The following IL1RAPL2 variants were observed in gnomAD, a reference collection of about 807,000 sequenced individuals.
IL1RAPL2 encodes the protein X-linked interleukin-1 receptor accessory protein-like 2.
In IL1RAPL2, 3 loss-of-function variants were observed where a neutral mutation model predicts 44.1. The observed-to-expected ratio is 0.07, with a 90% CI of 0.03 to 0.18. IL1RAPL2 has a LOEUF of 0.18. Among genes scored for constraint, IL1RAPL2 ranks in the 10% least tolerant of loss-of-function variants. The pLI, the probability that IL1RAPL2 is intolerant of heterozygous loss-of-function variation, is 1.00. For synonymous variants in IL1RAPL2, 181 were observed against 178.8 expected (o/e 1.01, Z -0.10); for missense variants, 391 against 496.4 (o/e 0.79, Z 2.02).
At chrX:104,802,615 A>G (rs1033994675) in intron 2 of IL1RAPL2, among the ~76,000 whole-genome samples, 5 of 111,610 alleles carry the variant, frequency 4.5e-5, no homozygotes, top group African/African-American at 1.6e-4. Flanking sequence ...TTTTCAACTA[A>G]CACAGCAGTA....
At chrX:105,689,216 A>G (rs754311684) in intron 6 of IL1RAPL2, among the ~76,000 whole-genome samples, 2 of 112,165 alleles carry the variant, frequency 1.8e-5, no homozygotes, top group African/African-American at 6.5e-5. Flanking sequence ...GGCAAAATTG[A>G]CAAATGGGAT....
rs1569452101 is a variant in IL1RAPL2, at chrX:105,540,844, CATACATATATTATATATG to C, written c.772+56461_772+56478del. Among the ~76,000 whole-genome samples the C allele has an allele frequency of 1.6e-3, 46 of 29,358 alleles. 5 individuals carry two copies. The highest frequency in any genetic ancestry group is 7.0e-3 in the African/African-American group (46 of 6,602). The allele number at this position is 29,358 out of a possible 115,157, so 25.5% of individuals were successfully genotyped here. ...CATATATTATATATGATATATAATA[CATACATATATTATATATG>C]ATATATAATACATACATATATTATA... On this transcript the variant is annotated intron_variant, in intron 6 of 10. Coordinates refer to ENST00000372582, the MANE Select transcript of IL1RAPL2 (RefSeq NM_017416.2).
intron 2 of IL1RAPL2, among the ~76,000 whole-genome samples, chrX:105,169,691 G>A (rs1412136002): frequency 9.4e-6 from 1 of 106,162 alleles, no homozygotes; most frequent in Non-Finnish European, 1.9e-5. Flanking sequence ...ACCACACCTG[G>A]CTAATTTTTT....
intron 5 of IL1RAPL2, among the ~76,000 whole-genome samples, chrX:105,480,552 CA>C (rs1473070908): frequency 8.9e-6 from 1 of 111,998 alleles, no homozygotes; most frequent in Non-Finnish European, 1.9e-5. Context: ...CCCATTCTTT[CA>C]ATCAAAGCAT....
chrX:104,727,037 GC>G (rs1181479236), intron 2 of IL1RAPL2, among the ~76,000 whole-genome samples: 2 of 109,939 alleles, frequency 1.8e-5, no homozygotes, highest in Non-Finnish European at 3.8e-5. Context: ...CTGGACATTG[GC>G]TTTGGCAAAA....
intron 2 of IL1RAPL2, among the ~76,000 whole-genome samples, chrX:104,895,090 G>A (rs1242593169): frequency 3.6e-5 from 4 of 112,381 alleles, no homozygotes; most frequent in South Asian, 7.3e-4. Flanking sequence ...AGCGGAGGCT[G>A]CAGAACAGCG....
chrX:104,727,859 G>C (rs1372268017), intron 2 of IL1RAPL2, among the ~76,000 whole-genome samples: 1 of 109,705 alleles, frequency 9.1e-6, no homozygotes, highest in Non-Finnish European at 1.9e-5. Flanking sequence ...AAATAACTCA[G>C]AAAGTAAAAT....
chrX:105,738,527 C>T (rs138911710), intron 7 of IL1RAPL2, among the ~76,000 whole-genome samples: 69 of 111,417 alleles, frequency 6.2e-4, no homozygotes, highest in African/African-American at 2.1e-3. Context: ...ATTACTTCTG[C>T]TTCTCCAATT....
intron 6 of IL1RAPL2, among the ~76,000 whole-genome samples, chrX:105,630,774 A>AT (rs760805618): frequency 4.0e-4 from 44 of 111,237 alleles, no homozygotes; most frequent in Non-Finnish European, 7.7e-4. Context: ...CCTAAAAAAA[A>AT]GAACAGAGAT....
intron 2 of IL1RAPL2, among the ~76,000 whole-genome samples, chrX:104,946,986 G>C (rs1329687299): frequency 2.0e-5 from 2 of 99,752 alleles, no homozygotes; most frequent in Non-Finnish European, 4.0e-5. Context: ...CTGAGGAATC[G>C]CCACACTGAC....
rs931038751 is a variant in IL1RAPL2, at chrX:105,484,488, A to G, written c.772+101A>G. On this transcript the variant is annotated intron_variant, in intron 6 of 10. Transcript: ENST00000372582. ...AAAGGTTTATTGCCACTGTTATTACATGCAAATCAATTTGTGTTCTGCTCA... is the reference window on the plus strand; with the variant it reads ...AAAGGTTTATTGCCACTGTTATTACGTGCAAATCAATTTGTGTTCTGCTCA... 6 of 554,586 alleles carry G rather than the reference A, an allele frequency of 1.1e-5. No individual in the cohort carries two copies. The South Asian group carries it at 1.5e-4, about 14-fold the overall frequency. The allele number at this position is 554,586 out of a possible 1,213,427, so 45.7% of individuals were successfully genotyped here. A position where few individuals can be genotyped will look rare whatever the true frequency, so the allele number is the denominator to read the frequency against.
chrX:104,909,656 C>T (rs113411954), intron 2 of IL1RAPL2, among the ~76,000 whole-genome samples: 1 of 111,782 alleles, frequency 8.9e-6, no homozygotes, highest in Non-Finnish European at 1.9e-5. Flanking sequence ...TTAGGCTGCT[C>T]GGGGGTCAGG....
At position 104,790,068 on chromosome X, in the gene IL1RAPL2, C is replaced by T. The variant is rs774621482; in HGVS notation, c.82+131073C>T. Reference sequence around the variant, plus strand: ...ACAGGCTGGGGAAGCTGGCACTCTGCAGAATTTTTATGGTGCTGCATGCAT... The same window carrying T: ...ACAGGCTGGGGAAGCTGGCACTCTGTAGAATTTTTATGGTGCTGCATGCAT... On this transcript the variant is annotated intron_variant, in intron 2 of 10. Transcript: ENST00000372582. 7.1e-5 allele frequency among the ~76,000 whole-genome samples: 8 copies of T among 112,216 alleles called. No homozygotes were observed. The South Asian group carries it at 3.0e-3, about 42-fold the overall frequency.
At chrX:105,296,777 A>G (rs1298024717) in intron 5 of IL1RAPL2, among the ~76,000 whole-genome samples, 1 of 111,975 alleles carries the variant, frequency 8.9e-6, no homozygotes, top group Non-Finnish European at 1.9e-5. Flanking sequence ...CTCTCTGGTT[A>G]TTTTAGCATA....
intron 5 of IL1RAPL2, among the ~76,000 whole-genome samples, chrX:105,477,670 G>A (rs1355597522): frequency 8.9e-6 from 1 of 112,029 alleles, no homozygotes; most frequent in African/African-American, 3.2e-5. Flanking sequence ...GATTTGCTAA[G>A]TAAGGACCTC....
At chrX:104,830,400 C>T (rs1253272329) in intron 2 of IL1RAPL2, among the ~76,000 whole-genome samples, 2 of 111,561 alleles carry the variant, frequency 1.8e-5, no homozygotes, top group African/African-American at 6.5e-5. Context: ...GGTGTTGTGT[C>T]ACTCCTGTCA....
intron 2 of IL1RAPL2, among the ~76,000 whole-genome samples, chrX:104,907,567 C>G (rs1348919921): frequency 4.5e-5 from 5 of 111,681 alleles, no homozygotes; most frequent in East Asian, 5.6e-4. Context: ...TGTACCCAGT[C>G]GTCATTCAGG....
chrX:105,522,603 T>G (rs1187586521), intron 6 of IL1RAPL2, among the ~76,000 whole-genome samples: 1 of 112,445 alleles, frequency 8.9e-6, no homozygotes, highest in Non-Finnish European at 1.9e-5. Flanking sequence ...GTTCTAAATT[T>G]TGGCTACACA....
At chrX:105,102,318 G>T (rs1429269223) in intron 2 of IL1RAPL2, among the ~76,000 whole-genome samples, 2 of 111,798 alleles carry the variant, frequency 1.8e-5, no homozygotes, top group Non-Finnish European at 3.8e-5. Flanking sequence ...ATGGCATCCA[G>T]TTGCCTCAGC....
Sources: allele counts gnomAD v4.1 joint callset (sites outside exome capture counted in the v4.1 genomes callset), GRCh38; gene constraint gnomAD v4.1.1; transcripts MANE v1.5; gene names NCBI Gene and HGNC (gene_info 2026-07-23, HGNC 2026-07-21).